The following CD151 variants were observed in gnomAD, a reference collection of about 807,000 sequenced individuals.
CD151 encodes CD151 molecule (Raph blood group), also known as CD151 antigen.
In CD151, 20 loss-of-function variants were observed where a neutral mutation model predicts 34.2. The ratio of observed to expected loss-of-function variants is 0.58; its 90% CI spans 0.41 to 0.85. The LOEUF (loss-of-function observed/expected upper bound fraction) is 0.85, where lower values mean the gene tolerates loss of function less well. CD151 is among the 40% of genes least tolerant of loss of function. The pLI is 0.00. For missense variants in CD151, 306 were observed against 324.5 expected (o/e 0.94, Z 0.44); for synonymous variants, 157 against 131.7 (o/e 1.19, Z -1.32).
At chr11:838,078 G>T in intron 8 of CD151, 50 bp downstream of exon 8, 1 of 1,607,238 alleles carries the variant, frequency 6.2e-7, no homozygotes. Context: ...ACGGGGCAGG[G>T]CGGTGGCTGG....
chr11:836,438 G>A lies in CD151; in HGVS notation c.272G>A (p.Arg91His), dbSNP rs758951148. The change falls in exon 4 of 9, where the codon CGC becomes CAC. Residue 91 changes from arginine (R) to histidine (H), a missense_variant. Arg to His is a conservative substitution (Grantham distance 29). Transcript: ENST00000397420. ...ATFKERRNLL[R>H]LYFILLLIIF... is the part of the protein sequence containing the mutation. ...TTCAAGGAGCGTCGGAACCTGCTGC[G>A]CCTGGTCAGGAGGGCGCAGGGCCAC... The A allele has an allele frequency of 1.7e-5, 27 of 1,605,820 alleles. No homozygotes were observed. The highest frequency in any genetic ancestry group is 1.6e-4 in the Middle Eastern group (1 of 6,074).
chr11:837,412 A>G (rs1565118585), intron 6 of CD151, 48 bp from the exon 7 acceptor site: 6 of 1,611,418 alleles, frequency 3.7e-6, no homozygotes, highest in Non-Finnish European at 5.1e-6. Context: ...GGACCTCTGC[A>G]GGAGCCTCTG....
Position 838,722 on chromosome 11 carries a change from T to C in CD151, c.*530T>C, listed in dbSNP as rs6762. The C allele has an allele frequency of 0.3, 52,215 of 174,328 alleles. 8,491 individuals are homozygous for C. The highest frequency in any genetic ancestry group is 0.51 in the South Asian group (4,070 of 7,974). The allele number at this position is 174,328 out of a possible 1,614,324, so 10.8% of individuals were successfully genotyped here. ...ACGTGGTCACTGTGCACTGCCCTGT[T>C]CATGTGCCTCTGCGGGGCAGGGCCT... On this transcript the variant is annotated 3_prime_UTR_variant, in exon 9 of 9. Coordinates refer to ENST00000397420, the MANE Select transcript of CD151 (RefSeq NM_004357.5).
In CD151 at chr11:837,298, T is replaced by C; in HGVS notation, c.400T>C (p.Tyr134His). The C allele has an allele frequency of 6.2e-7, 1 of 1,612,908 alleles. No homozygotes were observed. Among genetic ancestry groups the C allele is most frequent in the Non-Finnish European group, 8.5e-7 (1 of 1,179,878 alleles). ...CCTGAAGGACACCATGACCAAGCGC[T>C]ACCACCAGCCGGGCCATGAGGCTGT... Reference protein sequence around the residue: ...ENLKDTMTKRYHQPGHEAVTS... With the variant: ...ENLKDTMTKRHHQPGHEAVTS... The change falls in exon 6 of 9, where the codon TAC (tyrosine) becomes CAC (histidine). Residue 134 changes from tyrosine (Y) to histidine (H), a missense_variant. By Grantham distance (83) the Tyr-to-His change is moderately conservative. Transcript: ENST00000397420.
chr11:838,240 C>T lies in CD151; in HGVS notation c.*48C>T. ...GCTGCACCCAACTACTGAGCTGAGA[C>T]CACTGAGTACCAGGGGCTGGGCTCC... On this transcript the variant is annotated 3_prime_UTR_variant, in exon 9 of 9. Coordinates refer to ENST00000397420, the MANE Select transcript of CD151 (RefSeq NM_004357.5). 2.0e-6 allele frequency: 3 copies of T among 1,501,332 alleles called. No individual in the cohort carries two copies. Among genetic ancestry groups the T allele is most frequent in the Non-Finnish European group, 2.8e-6 (3 of 1,078,904 alleles). 93.0% of individuals were successfully genotyped at this position (1,501,332 alleles called of 1,614,324 possible). A position where few individuals can be genotyped will look rare whatever the true frequency, so the allele number is the denominator to read the frequency against.
chr11:836,524 C>A, intron 4 of CD151, 82 bp downstream of exon 4: 1 of 1,065,018 alleles, frequency 9.4e-7, no homozygotes, highest in Non-Finnish European at 1.3e-6. Context: ...GAACCTGTGC[C>A]TTGCTGTGCT....
In CD151 at chr11:838,231, G is replaced by A; in HGVS notation, c.*39G>A. ...CTTGCTGCTGCTGCACCCAACTACT[G>A]AGCTGAGACCACTGAGTACCAGGGG... On this transcript the variant is annotated 3_prime_UTR_variant, in exon 9 of 9. Transcript: ENST00000397420. 6.4e-7 allele frequency: 1 copy of A among 1,562,770 alleles called. No individual in the cohort carries two copies. The highest frequency in any genetic ancestry group is 8.8e-7 in the Non-Finnish European group (1 of 1,134,606).
At position 836,093 on chromosome 11, in the gene CD151, G is replaced by GACA; in HGVS notation, c.28_30dup (p.Thr10dup). The stretch of plus-strand genomic sequence containing the variant: ...GGATGGGTGAGTTCAACGAGAAGAA[G>GACA]ACAACATGTGGCACCGTTTGCCTCA... On this transcript the variant is annotated inframe_insertion, in exon 3 of 9. Transcript: ENST00000397420. The GACA allele has an allele frequency of 6.2e-7, 1 of 1,612,714 alleles. No individual in the cohort carries two copies. The highest frequency in any genetic ancestry group is 8.5e-7 in the Non-Finnish European group (1 of 1,179,710).
At chr11:836,042 A>AC (rs751328913) in intron 2 of CD151, 21 bp from the exon 3 acceptor site, 3 of 1,483,900 alleles carry the variant, frequency 2.0e-6, no homozygotes, top group Non-Finnish European at 2.8e-6. Context: ...GGCCCCGCTG[A>AC]CCCCTCCCCT....
chr11:837,061 C>T (rs142548410), intron 5 of CD151, 189 bp from the exon 6 acceptor site: 58 of 657,322 alleles, frequency 8.8e-5, no homozygotes, highest in African/African-American at 1.8e-4. Context: ...GCCTCTGCCG[C>T]ACTTCATTGT....
chr11:837,729 G>A, intron 7 of CD151, 111 bp downstream of exon 7: 1 of 1,195,846 alleles, frequency 8.4e-7, no homozygotes, highest in Non-Finnish European at 1.2e-6. Flanking sequence ...AGGAGGTGGG[G>A]GGTCACCCCA....
In CD151 at chr11:838,397, G is replaced by T; in HGVS notation, c.*205G>T. ...GGGGGGCTGGCGGGGCGAAGTTTGG[G>T]GGGTGTTTTGTGGGGCTCCCCAGAC... On this transcript the variant is annotated 3_prime_UTR_variant, in exon 9 of 9. Coordinates refer to ENST00000397420, the MANE Select transcript of CD151 (RefSeq NM_004357.5). The T allele has an allele frequency of 1.7e-6, 1 of 591,732 alleles. No homozygotes were observed. The highest frequency in any genetic ancestry group is 3.0e-6 in the Non-Finnish European group (1 of 331,560). The allele number at this position is 591,732 out of a possible 1,614,324, so 36.7% of individuals were successfully genotyped here. A position where few individuals can be genotyped will look rare whatever the true frequency, so the allele number is the denominator to read the frequency against.
intron 5 of CD151, 75 bp downstream of exon 5, chr11:836,918 T>A: frequency 1.5e-6 from 2 of 1,316,072 alleles, no homozygotes; most frequent in Admixed American, 1.8e-5. Flanking sequence ...TGCACACGCG[T>A]GGCTAGCCCC....
chr11:836,764 C>T lies in CD151; in HGVS notation c.277-5C>T, dbSNP rs374490956. On this transcript the variant is annotated splice_region_variant and splice_polypyrimidine_tract_variant and intron_variant, in intron 4 of 8. Transcript: ENST00000397420. ...ACAAGGGTGCCCTTGTGCTGCCCCC[C>T]CCAGTACTTCATCCTGCTCCTCATC... 3.7e-6 allele frequency: 6 copies of T among 1,612,542 alleles called. No homozygotes were observed. The highest frequency in any genetic ancestry group is 5.1e-6 in the Non-Finnish European group (6 of 1,179,884).
chr11:836,471 G>A, intron 4 of CD151, 29 bp downstream of exon 4: 2 of 1,545,876 alleles, frequency 1.3e-6, no homozygotes, highest in Non-Finnish European at 1.8e-6. Context: ...CACGGGGTGG[G>A]GGTGGTGCAG....
chr11:838,569 C>A lies in CD151; in HGVS notation c.*377C>A, dbSNP rs1055183927. 1.8e-5 allele frequency: 6 copies of A among 329,220 alleles called. No individual in the cohort carries two copies. The highest frequency in any genetic ancestry group is 2.9e-5 in the Non-Finnish European group (5 of 174,830). 20.4% of individuals were successfully genotyped at this position (329,220 alleles called of 1,614,324 possible). On this transcript the variant is annotated 3_prime_UTR_variant, in exon 9 of 9. Coordinates refer to ENST00000397420, the MANE Select transcript of CD151 (RefSeq NM_004357.5). ...TGCCTTGCAGCCACATGGCCCCATC[C>A]CAGTTGGGGAAGCCAGGTGAGCTCT...
Position 838,162 on chromosome 11 carries a change from G to A in CD151, c.732G>A (p.Leu244=). ...QVFGMIFTCC[L]YRSLKLEHY ...TTGGCATGATCTTCACGTGCTGCCT[G>A]TACAGGAGTCTCAAGCTGGAGCACT... The change falls in exon 9 of 9, where the codon CTG becomes CTA. Residue 244 remains leucine (L), a synonymous_variant. Coordinates refer to ENST00000397420, the MANE Select transcript of CD151 (RefSeq NM_004357.5). 1.2e-6 allele frequency: 2 copies of A among 1,613,272 alleles called. No homozygotes were observed. Among genetic ancestry groups the A allele is most frequent in the Non-Finnish European group, 1.7e-6 (2 of 1,179,900 alleles).
At chr11:836,573 A>G (rs1590209835) in intron 4 of CD151, 131 bp downstream of exon 4, 1 of 834,524 alleles carries the variant, frequency 1.2e-6, no homozygotes, top group Non-Finnish European at 1.9e-6. Flanking sequence ...ACACCTGCCT[A>G]GTCCTGTGGG....
intron 1 of CD151, 112 bp downstream of exon 1, chr11:833,138 C>T (rs74194353): frequency 0.66 from 97,918 of 148,042 alleles, 33,214 homozygotes; most frequent in East Asian, 0.9. Flanking sequence ...CGCGCCCCAG[C>T]CCCGGAGGCC....
Sources: gnomAD v4.1 joint callset for allele counts on GRCh38, gnomAD v4.1.1 for gene constraint, MANE v1.5 for transcripts, NCBI Gene and HGNC (gene_info 2026-07-23, HGNC 2026-07-21) for gene names.